LHCGR: variants seen among roughly 807,000 people sequenced by gnomAD.
LHCGR encodes the protein lutropin-choriogonadotropic hormone receptor.
In LHCGR, 55 loss-of-function variants were observed where a neutral mutation model predicts 60.7. The observed-to-expected ratio is 0.91, with a 90% CI of 0.73 to 1.13. The LOEUF (loss-of-function observed/expected upper bound fraction) is 1.13. LHCGR is among the 50% of genes most tolerant of loss of function. LHCGR has a pLI of 0.00. For missense variants in LHCGR, 862 were observed against 836.0 expected (o/e 1.03, Z -0.38); for synonymous variants, 337 against 316.5 (o/e 1.06, Z -0.69).
chr2:48,714,050 G>C lies in LHCGR; in HGVS notation c.541C>G (p.Leu181Val). ...GMNNESVTLK[L>V]YGNGFEEVQS... ...ACTTCTTCAAATCCATTTCCATATA[G>C]TTTGCTGAAGGAGGGAGGAGAGGGT... Residue 181 changes from leucine (L) to valine (V), a missense_variant, in exon 7 of 11, where the codon CTA (leucine) becomes GTA (valine). Coordinates refer to ENST00000294954, the MANE Select transcript of LHCGR (RefSeq NM_000233.4). The C allele has an allele frequency of 6.2e-7, 1 of 1,611,416 alleles. No homozygotes were observed. The highest frequency in any genetic ancestry group is 8.5e-7 in the Non-Finnish European group (1 of 1,177,680).
At chr2:48,698,542 T>C in intron 9 of LHCGR, 73 bp downstream of exon 9, 1 of 1,223,004 alleles carries the variant, frequency 8.2e-7, no homozygotes. Context: ...TGGAGCTGTC[T>C]ACTCATTGAC....
chr2:48,740,032 G>A (rs1669370089), intron 1 of LHCGR, among the ~76,000 whole-genome samples: 1 of 152,234 alleles, frequency 6.6e-6, no homozygotes, highest in Non-Finnish European at 1.5e-5. Flanking sequence ...CACTCGGGAA[G>A]CGCGAGGGGT....
In LHCGR at chr2:48,687,410, C is replaced by T. The variant is rs898952190; in HGVS notation, c.*287G>A. ...GAAAAAAAAGATATGCAAAATACCT[C>T]CTCAGTTTTTTAAAAGATTCATCAA... On this transcript the variant is annotated 3_prime_UTR_variant, in exon 11 of 11. Transcript: ENST00000294954. The T allele has an allele frequency of 5.8e-6, 2 of 347,564 alleles. No individual in the cohort carries two copies. Among genetic ancestry groups the T allele is most frequent in the African/African-American group, 4.2e-5 (2 of 47,422 alleles). The allele number at this position is 347,564 out of a possible 1,614,324, so 21.5% of individuals were successfully genotyped here.
chr2:48,746,949 A>T (rs1029729634), intron 1 of LHCGR, among the ~76,000 whole-genome samples: 1 of 152,060 alleles, frequency 6.6e-6, no homozygotes, highest in East Asian at 1.9e-4. Context: ...CAAGGCAGTG[A>T]CATTGCAGAT....
At chr2:48,711,709 C>T (rs951522761) in intron 7 of LHCGR, among the ~76,000 whole-genome samples, 5 of 152,216 alleles carry the variant, frequency 3.3e-5, no homozygotes, top group Admixed American at 1.3e-4. Flanking sequence ...CATCTTGTTT[C>T]CCTTTAATTT....
intron 3 of LHCGR, among the ~76,000 whole-genome samples, chr2:48,728,137 T>G (rs1393600798): frequency 1.3e-5 from 2 of 152,056 alleles, no homozygotes; most frequent in African/African-American, 4.8e-5. Flanking sequence ...AAGTGTATTT[T>G]ATGTGTGACC....
intron 4 of LHCGR, among the ~76,000 whole-genome samples, chr2:48,724,869 C>T (rs1051133165): frequency 3.9e-5 from 6 of 152,128 alleles, no homozygotes; most frequent in Non-Finnish European, 5.9e-5. Flanking sequence ...AGACTGATGA[C>T]GTGAAGTACC....
chr2:48,749,439 C>T (rs1456442922), intron 1 of LHCGR, among the ~76,000 whole-genome samples: 1 of 152,172 alleles, frequency 6.6e-6, no homozygotes, highest in African/African-American at 2.4e-5. Context: ...ACATATGCTC[C>T]CATGGAGCCA....
intron 8 of LHCGR, among the ~76,000 whole-genome samples, chr2:48,701,591 T>G (rs979775926): frequency 6.6e-6 from 1 of 152,146 alleles, no homozygotes; most frequent in Non-Finnish European, 1.5e-5. Context: ...CCCTTTAAAA[T>G]AGTAATTCCC....
chr2:48,731,263 G>A lies in LHCGR; in HGVS notation c.197C>T (p.Ser66Phe). The A allele has an allele frequency of 6.2e-7, 1 of 1,611,980 alleles. No individual in the cohort carries two copies. Among genetic ancestry groups the A allele is most frequent in the Non-Finnish European group, 8.5e-7 (1 of 1,178,764 alleles). The change falls in exon 2 of 11, where the codon TCT becomes TTT. Residue 66 changes from serine to phenylalanine, a missense_variant. Transcript: ENST00000294954. ...LAYLPVKVIP[S>F]QAFRGLNEVI... is the part of the protein sequence containing the mutation. ...CTCATTAAGTCCTCTGAAAGCTTGA[G>A]ATGGGATCACTTTGACAGGGAGGTA...
chr2:48,687,800 C>G lies in LHCGR; in HGVS notation c.1997G>C (p.Gly666Ala), dbSNP rs745609224. 15 of 1,614,012 alleles carry G rather than the reference C, an allele frequency of 9.3e-6. No homozygotes were observed. In the Admixed American group the frequency reaches 2.5e-4, roughly 27 times the overall value. Reference sequence around the variant, plus strand: ...AGAAGGCTTATTTGATCCAGTGAAGCCATTTTTGCAGTTGGAGGTGTAAGC... The same window carrying G: ...AGAAGGCTTATTTGATCCAGTGAAGGCATTTTTGCAGTTGGAGGTGTAAGC... ...FSAYTSNCKNGFTGSNKPSQS... is the reference protein window; with the variant it reads ...FSAYTSNCKNAFTGSNKPSQS... The change falls in exon 11 of 11, where the codon GGC becomes GCC. Residue 666 changes from glycine to alanine, a missense_variant. By Grantham distance (60) the Gly-to-Ala change is moderately conservative. Transcript: ENST00000294954.
intron 7 of LHCGR, among the ~76,000 whole-genome samples, chr2:48,710,468 C>T (rs575216770): frequency 6.6e-6 from 1 of 152,324 alleles, no homozygotes; most frequent in Admixed American, 6.5e-5. Context: ...TTTATTAAAA[C>T]TCAGATCTTT....
chr2:48,735,260 A>C (rs1669161758), intron 1 of LHCGR, among the ~76,000 whole-genome samples: 1 of 152,234 alleles, frequency 6.6e-6, no homozygotes, highest in Non-Finnish European at 1.5e-5. Context: ...GAATTAAGTC[A>C]TTCATCCTAG....
intron 2 of LHCGR, among the ~76,000 whole-genome samples, chr2:48,729,472 A>G (rs1211663160): frequency 6.6e-6 from 1 of 152,128 alleles, no homozygotes; most frequent in African/African-American, 2.4e-5. Context: ...TTTATGTGAC[A>G]AGTTTTTCTC....
At position 48,688,366 on chromosome 2, in the gene LHCGR, C is replaced by A; in HGVS notation, c.1431G>T (p.Lys477Asn). 6.2e-7 allele frequency: 1 copy of A among 1,614,128 alleles called. No homozygotes were observed. The highest frequency in any genetic ancestry group is 8.5e-7 in the Non-Finnish European group (1 of 1,180,032). Residue 477 changes from lysine (K) to asparagine (N), a missense_variant, in exon 11 of 11, where the codon AAG (lysine) becomes AAT (asparagine). Lys to Asn is a moderately conservative substitution (Grantham distance 94, BLOSUM62 0). Coordinates refer to ENST00000294954, the MANE Select transcript of LHCGR (RefSeq NM_000233.4). This position sits in a 1 kb window ranked among gnomAD's most constrained non-coding sequence, Gnocchi z 5.2. The part of the protein sequence containing the change: ...TITYAIHLDQ[K>N]LRLRHAILIM... ...TCAGAATGGCATGTCTTAATCGCAGCTTTTGGTCCAGGTGAATAGCATAGG... is the reference window on the plus strand; with the variant it reads ...TCAGAATGGCATGTCTTAATCGCAGATTTTGGTCCAGGTGAATAGCATAGG...
intron 9 of LHCGR, among the ~76,000 whole-genome samples, chr2:48,694,721 A>C (rs1247683004): frequency 5.3e-5 from 8 of 152,074 alleles, no homozygotes; most frequent in Admixed American, 2.6e-4. Flanking sequence ...CTTTTTTGTA[A>C]GGATTTGAAG....
intron 1 of LHCGR, among the ~76,000 whole-genome samples, chr2:48,751,227 T>G (rs569607834): frequency 6.6e-6 from 1 of 150,504 alleles, no homozygotes; most frequent in Admixed American, 6.7e-5. Context: ...AATTGAAAGC[T>G]TATTAGTCAA....
intron 3 of LHCGR, among the ~76,000 whole-genome samples, chr2:48,727,685 C>G (rs1331313594): frequency 6.6e-6 from 1 of 152,212 alleles, no homozygotes; most frequent in Non-Finnish European, 1.5e-5. Flanking sequence ...TCAGCTAAGT[C>G]CAGACTATGT....
At chr2:48,709,109 A>C (rs952624057) in intron 7 of LHCGR, 87 bp from the exon 8 acceptor site, 2 of 976,644 alleles carry the variant, frequency 2.0e-6, no homozygotes, top group African/African-American at 1.6e-5. Context: ...AGACCAAGCT[A>C]TGTGCATGAT....
Sources: allele counts gnomAD v4.1 joint callset (sites outside exome capture counted in the v4.1 genomes callset), GRCh38; gene constraint gnomAD v4.1.1; non-coding constraint Gnocchi (gnomAD v3.1); transcripts MANE v1.5; gene names NCBI Gene and HGNC (gene_info 2026-07-23, HGNC 2026-07-21).